The following HLCS variants were observed in gnomAD, a reference collection of about 807,000 sequenced individuals.
HLCS encodes the protein holocarboxylase synthetase.
HLCS carries 53 observed loss-of-function variants against 75.0 expected under a neutral mutation model. The observed-to-expected ratio is 0.71, with a 90% CI of 0.57 to 0.89. HLCS has a LOEUF of 0.89. Ranked by LOEUF, HLCS falls within the 40% of genes least tolerant of loss-of-function variation. The pLI, the probability that HLCS is intolerant of heterozygous loss-of-function variation, is 0.00. For synonymous variants in HLCS, 431 were observed against 428.6 expected (o/e 1.01, Z -0.07); for missense variants, 966 against 1,074.0 (o/e 0.90, Z 1.41).
At chr21:36,868,157 A>G (rs1466929016) in intron 6 of HLCS, among the ~76,000 whole-genome samples, 1 of 151,512 alleles carries the variant, frequency 6.6e-6, no homozygotes, top group African/African-American at 2.4e-5. Flanking sequence ...CACGAAAGAA[A>G]GGAAAAAAGG....
At chr21:36,792,265 C>T (rs1480674596) in intron 6 of HLCS, among the ~76,000 whole-genome samples, 1 of 152,134 alleles carries the variant, frequency 6.6e-6, no homozygotes, top group Non-Finnish European at 1.5e-5. Flanking sequence ...TCTTCTGTCA[C>T]ACAGCAGGAG....
intron 6 of HLCS, among the ~76,000 whole-genome samples, chr21:36,781,055 C>T (rs918487505): frequency 3.3e-5 from 5 of 151,572 alleles, no homozygotes; most frequent in African/African-American, 9.7e-5. Context: ...ACCACCTGAG[C>T]TCCACTTCCT....
At chr21:36,864,816 T>C (rs1483783209) in intron 6 of HLCS, among the ~76,000 whole-genome samples, 1 of 152,164 alleles carries the variant, frequency 6.6e-6, no homozygotes, top group Non-Finnish European at 1.5e-5. Flanking sequence ...ATTTCTACTT[T>C]CCATTTTTTA....
At chr21:36,860,117 G>A (rs774838476) in intron 6 of HLCS, among the ~76,000 whole-genome samples, 31 of 152,242 alleles carry the variant, frequency 2.0e-4, no homozygotes, top group Non-Finnish European at 3.5e-4. Flanking sequence ...TTTGCAGTGG[G>A]AGGGGTTACT....
chr21:36,885,101 A>C (rs2064391101), intron 6 of HLCS, among the ~76,000 whole-genome samples: 1 of 152,220 alleles, frequency 6.6e-6, no homozygotes, highest in South Asian at 2.1e-4. Flanking sequence ...CTCATCTTTC[A>C]AAAAAAGTTG....
At chr21:36,946,020 A>T (rs1487652750) in intron 2 of HLCS, 1 of 618,078 alleles carries the variant, frequency 1.6e-6, no homozygotes, top group Non-Finnish European at 2.0e-6. Context: ...TTGGAAGGTT[A>T]CTGGGAGCAC....
At chr21:36,824,992 T>A (rs972581069) in intron 6 of HLCS, among the ~76,000 whole-genome samples, 1 of 152,188 alleles carries the variant, frequency 6.6e-6, no homozygotes, top group African/African-American at 2.4e-5. Flanking sequence ...AACTTCTTTT[T>A]GAAAGAAAGA....
chr21:36,854,869 T>C (rs1285197393), intron 6 of HLCS, among the ~76,000 whole-genome samples: 1 of 152,214 alleles, frequency 6.6e-6, no homozygotes. Context: ...AGAATCTGAT[T>C]CTATTTTTGC....
intron 6 of HLCS, among the ~76,000 whole-genome samples, chr21:36,846,265 C>T (rs187308670): frequency 2.3e-4 from 35 of 152,076 alleles, no homozygotes; most frequent in Admixed American, 5.9e-4. Context: ...TGATACCTAG[C>T]GGCAGTCAAT....
intron 7 of HLCS, among the ~76,000 whole-genome samples, chr21:36,766,994 A>G (rs901192458): frequency 3.3e-5 from 5 of 152,236 alleles, no homozygotes; most frequent in Middle Eastern, 3.2e-3. Context: ...CCAGTGATTC[A>G]TAAGCATTAT....
intron 6 of HLCS, among the ~76,000 whole-genome samples, chr21:36,783,028 A>G (rs1350867105): frequency 1.3e-5 from 2 of 152,100 alleles, no homozygotes; most frequent in Admixed American, 6.6e-5. Context: ...AGATGAGAAC[A>G]TATTTAGATG....
chr21:36,971,167 A>C (rs2068779240), upstream of HLCS, among the ~76,000 whole-genome samples: 1 of 152,206 alleles, frequency 6.6e-6, no homozygotes, highest in Non-Finnish European at 1.5e-5. Context: ...AAAGAATTTA[A>C]ATTAGAACAT....
intron 1 of HLCS, chr21:36,986,767 A>C (rs1037338393): frequency 6.6e-5 from 10 of 152,218 alleles, no homozygotes; most frequent in African/African-American, 2.2e-4. Context: ...AGTAGTGAGA[A>C]GGGGGAAAAG....
At chr21:36,890,903 C>G (rs766943412) in intron 6 of HLCS, among the ~76,000 whole-genome samples, 1 of 152,192 alleles carries the variant, frequency 6.6e-6, no homozygotes, top group Non-Finnish European at 1.5e-5. Flanking sequence ...TTCAGGGCCT[C>G]CAAGTATTTT....
At chr21:36,775,055 C>T (rs1402787759) in intron 6 of HLCS, among the ~76,000 whole-genome samples, 1 of 152,190 alleles carries the variant, frequency 6.6e-6, no homozygotes, top group Non-Finnish European at 1.5e-5. Context: ...ACACGGGAAT[C>T]GGGACTGTTC....
rs892762944 is a variant in HLCS, at chr21:36,750,273, A to G, written c.*3973T>C. On this transcript the variant is annotated 3_prime_UTR_variant, in exon 11 of 11. Transcript: ENST00000674895. The stretch of plus-strand genomic sequence containing the variant: ...CCTAACATGTACCATGTTGACAAAA[A>G]TGCCAGATCAAATGGATTTGAGAAA... Among the ~76,000 whole-genome samples, 2 of 152,248 alleles carry G rather than the reference A, an allele frequency of 1.3e-5. No homozygotes were observed. Among genetic ancestry groups the G allele is most frequent in the Admixed American group, 1.3e-4 (2 of 15,286 alleles).
chr21:36,990,031 A>T (rs2069319494), intron 1 of HLCS: 1 of 152,066 alleles, frequency 6.6e-6, no homozygotes, highest in Non-Finnish European at 1.5e-5. Context: ...TGCAGCCCCG[A>T]GGCCTCGACT....
At chr21:36,989,314 C>CTTTT (rs35073331) in intron 1 of HLCS, among the ~76,000 whole-genome samples, 15 of 80,000 alleles carry the variant, frequency 1.9e-4, no homozygotes, top group African/African-American at 4.1e-4. Flanking sequence ...TCTGGCCCAT[C>CTTTT]TTTTTTTTTT....
chr21:36,861,598 T>C (rs59639440), intron 6 of HLCS, among the ~76,000 whole-genome samples: 43,949 of 151,972 alleles, frequency 0.29, 7,595 homozygotes, highest in African/African-American at 0.49. Context: ...TTTGTGCTCA[T>C]TGGTTCTCAT....
Sources: gnomAD v4.1 joint callset for allele counts (sites outside exome capture counted in the v4.1 genomes callset) on GRCh38, gnomAD v4.1.1 for gene constraint, MANE v1.5 for transcripts, NCBI Gene and HGNC (gene_info 2026-07-23, HGNC 2026-07-21) for gene names.